Variants in NOS1AP observed in about 807,000 individuals in gnomAD.
The protein encoded by NOS1AP is carboxyl-terminal PDZ ligand of neuronal nitric oxide synthase protein.
A neutral mutation model predicts 56.2 loss-of-function variants in NOS1AP; 21 were observed. That is an observed-to-expected ratio of 0.37 (90% confidence interval 0.26 to 0.54). The LOEUF (loss-of-function observed/expected upper bound fraction) is 0.54. NOS1AP is among the 20% of genes least tolerant of loss of function. The pLI, the probability that NOS1AP is intolerant of heterozygous loss-of-function variation, is 0.84. For synonymous variants in NOS1AP, 270 were observed against 274.6 expected (o/e 0.98, Z 0.17); for missense variants, 522 against 657.8 (o/e 0.79, Z 2.26).
At chr1:162,155,369 TATAG>T (rs1474729952) in intron 2 of NOS1AP, among the ~76,000 whole-genome samples, 10 of 58,176 alleles carry the variant, frequency 1.7e-4, no homozygotes, top group East Asian at 5.2e-4. Flanking sequence ...TGTATATATA[TATAG>T]AGAGAGAGCT....
intron 2 of NOS1AP, among the ~76,000 whole-genome samples, chr1:162,227,783 C>A (rs541970457): frequency 1.3e-5 from 2 of 152,160 alleles, no homozygotes; most frequent in Non-Finnish European, 2.9e-5. Context: ...GGAGAAAAAA[C>A]CCTCCTATGC....
chr1:162,221,173 T>C (rs1428010273), intron 2 of NOS1AP, among the ~76,000 whole-genome samples: 1 of 152,198 alleles, frequency 6.6e-6, no homozygotes, highest in African/African-American at 2.4e-5. Context: ...TCTCTTGGCC[T>C]CCCGATCCAC....
intron 5 of NOS1AP, among the ~76,000 whole-genome samples, chr1:162,335,131 A>G (rs1320429338): frequency 6.6e-6 from 1 of 152,184 alleles, no homozygotes; most frequent in Non-Finnish European, 1.5e-5. Flanking sequence ...GTTCCCTATC[A>G]TGTCAATTTT....
chr1:162,313,864 C>G (rs1457693288), intron 4 of NOS1AP, among the ~76,000 whole-genome samples: 1 of 152,182 alleles, frequency 6.6e-6, no homozygotes, highest in Non-Finnish European at 1.5e-5. Flanking sequence ...CTTTCTGCCT[C>G]TGCTGGCCTC....
At chr1:162,228,967 G>C (rs1384436812) in intron 2 of NOS1AP, among the ~76,000 whole-genome samples, 3 of 152,178 alleles carry the variant, frequency 2.0e-5, no homozygotes, top group South Asian at 2.1e-4. Flanking sequence ...GAAATAAATA[G>C]ATAATAAGAT....
chr1:162,094,395 T>A (rs963648088), intron 1 of NOS1AP, among the ~76,000 whole-genome samples: 2 of 152,174 alleles, frequency 1.3e-5, no homozygotes, highest in African/African-American at 4.8e-5. Flanking sequence ...ATGTTGGTGG[T>A]GTGTGCTGAG....
chr1:162,237,348 A>G lies in NOS1AP; in HGVS notation c.178-49996A>G, dbSNP rs1325509714. 2.0e-5 allele frequency among the ~76,000 whole-genome samples: 3 copies of G among 152,304 alleles called. No homozygotes were observed. The East Asian group carries it at 5.8e-4, about 29-fold the overall frequency. On this transcript the variant is annotated intron_variant, in intron 2 of 9. Transcript: ENST00000361897. ...AAATTGGGCCTTGGGAAGGCAGGAC[A>G]CCCTCTGAAATTAGAGGTCAGGAGA...
intron 1 of NOS1AP, among the ~76,000 whole-genome samples, chr1:162,122,423 T>C (rs1240403214): frequency 6.6e-6 from 1 of 152,148 alleles, no homozygotes; most frequent in African/African-American, 2.4e-5. Flanking sequence ...ATGTAGTAGG[T>C]CTTTGGGAGA....
intron 8 of NOS1AP, chr1:162,364,560 T>G (rs1193541046): frequency 7.1e-6 from 7 of 985,358 alleles, no homozygotes; most frequent in African/African-American, 1.7e-5. Flanking sequence ...GCCTCAAGCA[T>G]GCTGAATGCA....
chr1:162,264,829 T>TC (rs1491022824), intron 2 of NOS1AP, among the ~76,000 whole-genome samples: 2 of 141,500 alleles, frequency 1.4e-5, no homozygotes, highest in Admixed American at 7.3e-5. Flanking sequence ...TTTTTTTTTT[T>TC]TCAAGACAGG....
intron 3 of NOS1AP, among the ~76,000 whole-genome samples, chr1:162,299,624 T>A (rs1267193926): frequency 1.3e-5 from 2 of 152,210 alleles, no homozygotes; most frequent in Non-Finnish European, 2.9e-5. Context: ...AAAAAATATT[T>A]AGTTTTTGGC....
intron 2 of NOS1AP, among the ~76,000 whole-genome samples, chr1:162,263,099 A>G (rs1320287699): frequency 6.6e-6 from 1 of 152,210 alleles, no homozygotes; most frequent in East Asian, 1.9e-4. Context: ...TTCACTATAT[A>G]TCGCACTCTT....
chr1:162,319,137 CTG>C (rs202007820), intron 4 of NOS1AP, among the ~76,000 whole-genome samples: 1,894 of 152,298 alleles, frequency 0.012, 19 homozygotes, highest in Admixed American at 0.018. Flanking sequence ...ATTTCCCAAA[CTG>C]TAATTCTCAC....
At chr1:162,163,353 G>A (rs1290932520) in intron 2 of NOS1AP, among the ~76,000 whole-genome samples, 2 of 152,050 alleles carry the variant, frequency 1.3e-5, no homozygotes, top group Non-Finnish European at 2.9e-5. Context: ...TTTCTTAGGG[G>A]GCGAGGTATT....
intron 1 of NOS1AP, among the ~76,000 whole-genome samples, chr1:162,132,318 G>T (rs1405646643): frequency 6.6e-6 from 1 of 152,260 alleles, no homozygotes; most frequent in African/African-American, 2.4e-5. Context: ...CCCCAGGCAA[G>T]AGAATCCATA....
chr1:162,358,762 C>T (rs1037021901), intron 8 of NOS1AP, among the ~76,000 whole-genome samples: 3 of 152,232 alleles, frequency 2.0e-5, no homozygotes, highest in Middle Eastern at 3.4e-3. Context: ...TATTTTGCAG[C>T]GTATCAATTG....
intron 1 of NOS1AP, among the ~76,000 whole-genome samples, chr1:162,144,440 A>T (rs1419014618): frequency 6.6e-6 from 1 of 152,168 alleles, no homozygotes; most frequent in Non-Finnish European, 1.5e-5. Context: ...ATTGGATCTG[A>T]CTTCCTTATT....
chr1:162,147,482 G>C (rs932339905), intron 1 of NOS1AP, among the ~76,000 whole-genome samples: 4 of 152,188 alleles, frequency 2.6e-5, no homozygotes, highest in African/African-American at 9.7e-5. Context: ...TTACATTGGT[G>C]AATGTTTCGA....
intron 1 of NOS1AP, among the ~76,000 whole-genome samples, chr1:162,099,819 T>G (rs9724968): frequency 0.51 from 76,476 of 151,064 alleles, 21,589 homozygotes; most frequent in Non-Finnish European, 0.64. Flanking sequence ...TGTGTGATGT[T>G]CCCCTTCCTG....
Sources: allele counts gnomAD v4.1 joint callset (sites outside exome capture counted in the v4.1 genomes callset), GRCh38; gene constraint gnomAD v4.1.1; transcripts MANE v1.5; gene names NCBI Gene and HGNC (gene_info 2026-07-23, HGNC 2026-07-21).